IGLON5: variants seen among roughly 807,000 people sequenced by gnomAD.
The protein encoded by IGLON5 is IgLON family member 5.
IGLON5 carries 16 observed loss-of-function variants against 38.2 expected under a neutral mutation model. That is an observed-to-expected ratio of 0.42 (90% CI 0.28 to 0.64). The LOEUF (loss-of-function observed/expected upper bound fraction) is 0.64, where lower values mean the gene tolerates loss of function less well. Among genes scored for constraint, IGLON5 ranks in the 30% least tolerant of loss-of-function variants. The pLI, the probability that IGLON5 is intolerant of heterozygous loss-of-function variation, is 0.23. For missense variants in IGLON5, 366 were observed against 483.4 expected (o/e 0.76, Z 2.28); for synonymous variants, 207 against 216.4 (o/e 0.96, Z 0.38).
chr19:51,322,878 TTCTCTGGGTATCTGTCCCACTCTG>T (rs1449307357), intron 2 of IGLON5, among the ~76,000 whole-genome samples: 71 of 133,088 alleles, frequency 5.3e-4, no homozygotes, highest in Middle Eastern at 6.5e-3. Flanking sequence ...TCCTCTCTCT[TTCTCTGGGTATCTGTCCCACTCTG>T]TCTCTGGGTC....
rs1211976080 is a variant in IGLON5, at chr19:51,317,010, C to T, written c.80-5054C>T. On this transcript the variant is annotated intron_variant, in intron 1 of 7. Coordinates refer to ENST00000270642, the MANE Select transcript of IGLON5 (RefSeq NM_001101372.3). ...CTGTGGAATCAGAGTATCACCCTCC[C>T]GACCCCTGCCAACCATTTCAGGGTT... Among the ~76,000 whole-genome samples, 4 of 151,666 alleles carry T rather than the reference C, an allele frequency of 2.6e-5. No homozygotes were observed. The South Asian group carries it at 8.4e-4, about 32-fold the overall frequency.
chr19:51,326,676 C>T, intron 4 of IGLON5, 88 bp from the exon 5 acceptor site: 1 of 1,043,648 alleles, frequency 9.6e-7, no homozygotes, highest in Non-Finnish European at 1.4e-6. Flanking sequence ...GTGCCCGCCC[C>T]GCTGATGTGT....
At chr19:51,322,203 C>T (rs1985078600) in intron 2 of IGLON5, 61 bp downstream of exon 2, 1 of 1,344,688 alleles carries the variant, frequency 7.4e-7, no homozygotes, top group Admixed American at 1.7e-5. Context: ...TGCCCCTTCA[C>T]CTTCCTGGGT....
intron 1 of IGLON5, 62 bp from the exon 2 acceptor site, chr19:51,322,002 G>T: frequency 7.5e-7 from 1 of 1,335,618 alleles, no homozygotes; most frequent in Non-Finnish European, 1.1e-6. Flanking sequence ...CATGTGTGCA[G>T]GTGCTACCAT....
chr19:51,323,709 C>A lies in IGLON5; in HGVS notation c.206C>A (p.Ser69Tyr). 4 of 1,613,962 alleles carry A rather than the reference C, an allele frequency of 2.5e-6. No individual in the cohort carries two copies. The highest frequency in any genetic ancestry group is 3.4e-6 in the Non-Finnish European group (4 of 1,179,882). ...HVTRVAWLNR[S>Y]NILYAGNDRW... ...ACCCGCGTGGCCTGGCTGAACCGCT[C>A]CAACATCCTGTATGCCGGCAATGAC... is the stretch of plus-strand genomic sequence containing the variant. The change falls in exon 3 of 8, where the codon TCC (serine) becomes TAC (tyrosine). Residue 69 changes from serine to tyrosine, a missense_variant. Ser to Tyr is a moderately radical substitution (Grantham distance 144). Transcript: ENST00000270642.
Position 51,311,940 on chromosome 19 carries a change from G to A in IGLON5, c.79+14G>A. ...TCATCAGCCGAGGTACCGCAGCGCC[G>A]GGGGCGGGGGGCTCGGCCGGGACGC... On this transcript the variant is annotated intron_variant, in intron 1 of 7. Coordinates refer to ENST00000270642, the MANE Select transcript of IGLON5 (RefSeq NM_001101372.3). 1.5e-6 allele frequency: 2 copies of A among 1,290,594 alleles called. No homozygotes were observed. Among genetic ancestry groups the A allele is most frequent in the Non-Finnish European group, 2.0e-6 (2 of 1,014,942 alleles). 79.9% of individuals were successfully genotyped at this position (1,290,594 alleles called of 1,614,324 possible).
At chr19:51,319,393 C>T (rs771957088) in intron 1 of IGLON5, among the ~76,000 whole-genome samples, 2 of 151,852 alleles carry the variant, frequency 1.3e-5, no homozygotes, top group Admixed American at 6.6e-5. Context: ...AGCGTGGCCC[C>T]TTCGTGCTTG....
rs1276248705 is a variant in IGLON5 at position 51,311,667 on chromosome 19, G to T, written c.-181G>T. 1.4e-5 allele frequency among the ~76,000 whole-genome samples: 2 copies of T among 139,566 alleles called. No homozygotes were observed. The highest frequency in any genetic ancestry group is 1.4e-4 in the Admixed American group (2 of 13,936). 91.6% of individuals were successfully genotyped at this position (139,566 alleles called of 152,430 possible). A position where few individuals can be genotyped will look rare whatever the true frequency, so the allele number is the denominator to read the frequency against. ...CCGTCAGCGCCGCCCCCCTCCCCGG[G>T]TCTGCAGCAGCTCCAGCCGCCTCGT... On this transcript the variant is annotated 5_prime_UTR_variant, in exon 1 of 8. Transcript: ENST00000270642.
intron 2 of IGLON5, 147 bp from the exon 3 acceptor site, chr19:51,323,515 T>G (rs1434957827): frequency 1.5e-6 from 1 of 656,400 alleles, no homozygotes; most frequent in Non-Finnish European, 2.7e-6. Flanking sequence ...TACCCCCAGC[T>G]GTATGGTGGG....
chr19:51,314,881 C>T (rs780744258), intron 1 of IGLON5, among the ~76,000 whole-genome samples: 6 of 152,190 alleles, frequency 3.9e-5, no homozygotes, highest in African/African-American at 7.2e-5. Context: ...TTGAGAGAAC[C>T]GGTCTGTGGC....
intron 1 of IGLON5, among the ~76,000 whole-genome samples, chr19:51,312,959 T>C (rs574658667): frequency 1.3e-5 from 2 of 152,210 alleles, no homozygotes; most frequent in Non-Finnish European, 2.9e-5. Context: ...GGAGCTGGGT[T>C]AATTCAGACT....
At chr19:51,322,207 C>G in intron 2 of IGLON5, 65 bp downstream of exon 2, 1 of 1,297,894 alleles carries the variant, frequency 7.7e-7, no homozygotes, top group Non-Finnish European at 1.1e-6. Flanking sequence ...CCTTCACCTT[C>G]CTGGGTGGGG....
At position 51,323,661 on chromosome 19, in the gene IGLON5, G is replaced by C. The variant is rs1360028607; in HGVS notation, c.159-1G>C. ...AACCTTCCCACTCATTCTCCCTGCA[G>C]CTGCTTCATCGACGAGCACGTGACC... On this transcript the variant is annotated splice_acceptor_variant, in intron 2 of 7. Transcript: ENST00000270642. LOFTEE classifies it high-confidence loss of function. 1 of 1,606,296 alleles carries C rather than the reference G, an allele frequency of 6.2e-7. No homozygotes were observed. The highest frequency in any genetic ancestry group is 8.5e-7 in the Non-Finnish European group (1 of 1,173,792).
chr19:51,321,982 T>C, intron 1 of IGLON5, 82 bp from the exon 2 acceptor site: 1 of 1,116,792 alleles, frequency 9.0e-7, no homozygotes, highest in Non-Finnish European at 1.4e-6. Flanking sequence ...CACAAGGACG[T>C]GCGTGTGCAC....
rs1237511465 is a variant in IGLON5, at chr19:51,326,744, C to A, written c.512-20C>A. 1 of 1,539,610 alleles carries A rather than the reference C, an allele frequency of 6.5e-7. No homozygotes were observed. The highest frequency in any genetic ancestry group is 2.5e-5 in the East Asian group (1 of 40,496). ...GTGTTTGTGTCCGGCCCCGCCCCCT[C>A]CTCCTCCTTCCCCCCACAGACGGCT... On this transcript the variant is annotated intron_variant, in intron 4 of 7. Transcript: ENST00000270642.
chr19:51,326,603 C>A (rs982784981), intron 4 of IGLON5, among the ~76,000 whole-genome samples, 161 bp from the exon 5 acceptor site: 12 of 139,046 alleles, frequency 8.6e-5, no homozygotes, highest in African/African-American at 2.7e-4. Flanking sequence ...AGATCCCAGG[C>A]CCCCGGCCCT....
chr19:51,323,563 T>C, intron 2 of IGLON5, 99 bp from the exon 3 acceptor site: 1 of 945,614 alleles, frequency 1.1e-6, no homozygotes, highest in South Asian at 1.6e-5. Context: ...TGGTGGGACC[T>C]GGAGATGCGG....
chr19:51,313,903 T>C (rs1322417786), intron 1 of IGLON5, among the ~76,000 whole-genome samples: 3 of 151,622 alleles, frequency 2.0e-5, no homozygotes, highest in African/African-American at 7.3e-5. Context: ...TAATTTTTTT[T>C]CTTTGTAGAG....
At position 51,325,145 on chromosome 19, in the gene IGLON5, G is replaced by C. The variant is rs1486556173; in HGVS notation, c.392-201G>C. On this transcript the variant is annotated intron_variant, in intron 3 of 7. Transcript: ENST00000270642. This position sits in a 1 kb window ranked among gnomAD's most constrained non-coding sequence, Gnocchi z 5.5. ...CCTGGGTCTGAGGGAGAAGGGGCTGGGGTACTGGACTCTTGGGTCTGAGGG... is the reference window on the plus strand; with the variant it reads ...CCTGGGTCTGAGGGAGAAGGGGCTGCGGTACTGGACTCTTGGGTCTGAGGG... 2.0e-5 allele frequency among the ~76,000 whole-genome samples: 3 copies of C among 151,768 alleles called. No individual in the cohort carries two copies. The highest frequency in any genetic ancestry group is 4.4e-5 in the Non-Finnish European group (3 of 67,956).
Sources: gnomAD v4.1 joint callset for allele counts (sites outside exome capture counted in the v4.1 genomes callset) on GRCh38, gnomAD v4.1.1 for gene constraint, Gnocchi (gnomAD v3.1) non-coding constraint, MANE v1.5 for transcripts, NCBI Gene and HGNC (gene_info 2026-07-23, HGNC 2026-07-21) for gene names.